PRKCB: variants seen among roughly 807,000 people sequenced by gnomAD.
PRKCB encodes the protein protein kinase C beta.
PRKCB carries 13 observed loss-of-function variants against 81.5 expected under a neutral mutation model. The observed-to-expected ratio is 0.16, with a 90% CI of 0.10 to 0.25. PRKCB has a LOEUF of 0.25. PRKCB is among the 10% of genes least tolerant of loss of function. The probability of loss-of-function intolerance (pLI) is 1.00; values close to 1 mark genes in which losing one functional copy is unlikely to be tolerated. For missense variants in PRKCB, 509 were observed against 875.7 expected (o/e 0.58, Z 5.29); for synonymous variants, 335 against 321.4 (o/e 1.04, Z -0.45).
chr16:24,029,707 T>C (rs922766304), intron 3 of PRKCB, among the ~76,000 whole-genome samples: 2 of 152,334 alleles, frequency 1.3e-5, no homozygotes, highest in African/African-American at 4.8e-5. Flanking sequence ...TGTCTGTTTA[T>C]TTGCTTACAT....
chr16:24,215,618 G>A lies in PRKCB; in HGVS notation c.*802G>A, dbSNP rs1214733742. The stretch of plus-strand genomic sequence containing the variant: ...CAAACTTTATTTGCTTTGGGGTTTT[G>A]TTTCTGTTGTTGTTCAAATGCAAAA... On this transcript the variant is annotated 3_prime_UTR_variant, in exon 17 of 17. Coordinates refer to ENST00000643927, the MANE Select transcript of PRKCB (RefSeq NM_002738.7). 1 of 983,032 alleles carries A rather than the reference G, an allele frequency of 1.0e-6. No homozygotes were observed. Among genetic ancestry groups the A allele is most frequent in the East Asian group, 1.1e-4 (1 of 8,740 alleles). The allele number at this position is 983,032 out of a possible 1,614,324, so 60.9% of individuals were successfully genotyped here. A position where few individuals can be genotyped will look rare whatever the true frequency, so the allele number is the denominator to read the frequency against.
rs531726596 is a variant in PRKCB at position 24,151,001 on chromosome 16, T to A, written c.1066-3683T>A. Among the ~76,000 whole-genome samples, 5 of 152,328 alleles carry A rather than the reference T, an allele frequency of 3.3e-5. No individual in the cohort carries two copies. In the South Asian group the frequency reaches 1.0e-3, roughly 32 times the overall value. Reference sequence around the variant, plus strand: ...AACTATCTGTACAAATGCAATAGTATCTCCTACGATGCGGAGCACATAGCA... The same window carrying A: ...AACTATCTGTACAAATGCAATAGTAACTCCTACGATGCGGAGCACATAGCA... On this transcript the variant is annotated intron_variant, in intron 9 of 16. Transcript: ENST00000643927.
At chr16:24,191,899 C>T (rs988506476) in intron 16 of PRKCB, among the ~76,000 whole-genome samples, 1 of 152,230 alleles carries the variant, frequency 6.6e-6, no homozygotes, top group Non-Finnish European at 1.5e-5. Context: ...TCCCCAAAGA[C>T]TCAGCAGGAA....
chr16:24,173,976 T>C (rs1351822401), intron 11 of PRKCB, among the ~76,000 whole-genome samples: 1 of 152,102 alleles, frequency 6.6e-6, no homozygotes. Context: ...TAAGATAATT[T>C]AACTTGCTAT....
At chr16:23,966,984 C>T (rs1422849097) in intron 2 of PRKCB, among the ~76,000 whole-genome samples, 1 of 151,596 alleles carries the variant, frequency 6.6e-6, no homozygotes, top group Non-Finnish European at 1.5e-5. Flanking sequence ...CGTGAACTCT[C>T]CTAGCTTAAG....
At chr16:24,144,784 G>A (rs1966964575) in intron 9 of PRKCB, among the ~76,000 whole-genome samples, 1 of 152,198 alleles carries the variant, frequency 6.6e-6, no homozygotes, top group African/African-American at 2.4e-5. Context: ...TGATCTGGGA[G>A]ATTTTTAAAG....
intron 2 of PRKCB, among the ~76,000 whole-genome samples, chr16:23,842,231 G>A (rs1174548331): frequency 6.6e-6 from 1 of 152,182 alleles, no homozygotes; most frequent in African/African-American, 2.4e-5. Context: ...CCTTGGGCAA[G>A]TCGTCCCCCA....
chr16:24,019,679 G>A (rs1318137571), intron 3 of PRKCB, among the ~76,000 whole-genome samples: 3 of 151,532 alleles, frequency 2.0e-5, no homozygotes. Context: ...CAGGAGGATT[G>A]TTTGAACCTG....
At chr16:23,948,519 G>A (rs2012154) in intron 2 of PRKCB, among the ~76,000 whole-genome samples, 18 of 152,138 alleles carry the variant, frequency 1.2e-4, no homozygotes, top group South Asian at 2.1e-4. Context: ...GTCTCATGCC[G>A]CAGCCTCCCA....
At chr16:23,988,704 G>A in intron 3 of PRKCB, 114 bp downstream of exon 3, 1 of 991,614 alleles carries the variant, frequency 1.0e-6, no homozygotes, top group Non-Finnish European at 1.5e-6. Flanking sequence ...TCTAAGGCAT[G>A]TGGTGGTCCC....
chr16:24,028,869 C>G (rs767550378), intron 3 of PRKCB, among the ~76,000 whole-genome samples: 5 of 152,120 alleles, frequency 3.3e-5, no homozygotes, highest in Non-Finnish European at 7.4e-5. Flanking sequence ...CGGCTCACTG[C>G]AACCTCCGCC....
intron 2 of PRKCB, among the ~76,000 whole-genome samples, chr16:23,947,115 C>T (rs1190359367): frequency 6.6e-6 from 1 of 152,192 alleles, no homozygotes; most frequent in Admixed American, 6.5e-5. Context: ...CTTGGCCTCC[C>T]AAAGCGCTGG....
At chr16:24,047,679 A>G (rs750563600) in intron 5 of PRKCB, among the ~76,000 whole-genome samples, 1 of 152,208 alleles carries the variant, frequency 6.6e-6, no homozygotes, top group Non-Finnish European at 1.5e-5. Context: ...GTTTAAGACT[A>G]TGAGACATTG....
Position 23,871,912 on chromosome 16 carries a change from A to G in PRKCB, c.205+34506A>G, listed in dbSNP as rs866339482. On this transcript the variant is annotated intron_variant, in intron 2 of 16. Transcript: ENST00000643927. ...TTTCATAGCATCTGTAACTGTTTAA[A>G]ATATTAGTTTGACTTCCTTTTCTAG... Among the ~76,000 whole-genome samples the G allele has an allele frequency of 8.7e-4, 132 of 150,924 alleles. 2 individuals are homozygous for G. Among genetic ancestry groups the G allele is most frequent in the African/African-American group, 3.1e-3 (128 of 41,024 alleles).
intron 2 of PRKCB, among the ~76,000 whole-genome samples, chr16:23,941,501 G>A (rs1394128316): frequency 6.6e-6 from 1 of 152,062 alleles, no homozygotes; most frequent in Non-Finnish European, 1.5e-5. Context: ...AGAGAAAACA[G>A]TCCTAAATAA....
At chr16:24,112,498 A>G (rs1265692379) in intron 7 of PRKCB, among the ~76,000 whole-genome samples, 1 of 152,112 alleles carries the variant, frequency 6.6e-6, no homozygotes, top group Non-Finnish European at 1.5e-5. Flanking sequence ...TGATTGCACT[A>G]TTGCACTCCA....
chr16:23,855,746 A>C (rs894546243), intron 2 of PRKCB, among the ~76,000 whole-genome samples: 3 of 152,230 alleles, frequency 2.0e-5, no homozygotes, highest in Non-Finnish European at 4.4e-5. Flanking sequence ...GCCAAAGCCA[A>C]TTCCATGGCT....
chr16:23,881,788 A>G (rs1375231534), intron 2 of PRKCB, among the ~76,000 whole-genome samples: 1 of 152,026 alleles, frequency 6.6e-6, no homozygotes, highest in Non-Finnish European at 1.5e-5. Context: ...TTCATCTCGT[A>G]AAACTGAAAC....
intron 9 of PRKCB, among the ~76,000 whole-genome samples, chr16:24,135,726 G>A (rs944239614): frequency 6.6e-6 from 1 of 152,166 alleles, no homozygotes; most frequent in African/African-American, 2.4e-5. Context: ...CTTCTCTAAA[G>A]TCTGAGCTTC....
Sources: allele counts gnomAD v4.1 joint callset (sites outside exome capture counted in the v4.1 genomes callset), GRCh38; gene constraint gnomAD v4.1.1; transcripts MANE v1.5; gene names NCBI Gene and HGNC (gene_info 2026-07-23, HGNC 2026-07-21).